The following ARHGAP26 variants were observed in gnomAD, a reference collection of about 807,000 sequenced individuals.
ARHGAP26 encodes the protein Rho GTPase activating protein 26.
Under a neutral mutation model 104.8 loss-of-function variants are expected in ARHGAP26, and 38 were observed. That is an observed-to-expected ratio of 0.36 (90% CI 0.28 to 0.48). The LOEUF (loss-of-function observed/expected upper bound fraction) is 0.48. Ranked by LOEUF, ARHGAP26 falls within the 20% of genes least tolerant of loss-of-function variation. The pLI, the probability that ARHGAP26 is intolerant of heterozygous loss-of-function variation, is 0.99. For missense variants in ARHGAP26, 704 were observed against 947.9 expected (o/e 0.74, Z 3.38); for synonymous variants, 341 against 340.0 (o/e 1.00, Z -0.03).
intron 20 of ARHGAP26, among the ~76,000 whole-genome samples, chr5:143,197,563 G>A (rs1350539870): frequency 6.6e-6 from 1 of 152,088 alleles, no homozygotes; most frequent in Non-Finnish European, 1.5e-5. Flanking sequence ...CCACTTGGTT[G>A]TGTTTTACTC....
chr5:143,148,709 A>C (rs1599237964), intron 20 of ARHGAP26, among the ~76,000 whole-genome samples: 1 of 152,128 alleles, frequency 6.6e-6, no homozygotes, highest in African/African-American at 2.4e-5. Context: ...TTGCCTAGGG[A>C]GCCTCCCTGC....
At chr5:143,015,685 A>G (rs887707111) in intron 12 of ARHGAP26, among the ~76,000 whole-genome samples, 7 of 152,206 alleles carry the variant, frequency 4.6e-5, no homozygotes, top group Non-Finnish European at 8.8e-5. Flanking sequence ...CCTGCCTGGG[A>G]CACATTGCCT....
rs1052120748 is a variant in ARHGAP26, at chr5:143,223,261, T to C, written c.*815T>C. The C allele has an allele frequency of 4.3e-5, 10 of 232,892 alleles. No individual in the cohort carries two copies. Among genetic ancestry groups the C allele is most frequent in the African/African-American group, 2.2e-4 (10 of 45,302 alleles). The allele number at this position is 232,892 out of a possible 1,614,324, so 14.4% of individuals were successfully genotyped here. A position where few individuals can be genotyped will look rare whatever the true frequency, so the allele number is the denominator to read the frequency against. ...CCCTTTTTGGTACACTTTTTTTGAA[T>C]GGTTTTCTAACAACTTGAAGCACAG... On this transcript the variant is annotated 3_prime_UTR_variant, in exon 23 of 23. Coordinates refer to ENST00000645722, the MANE Select transcript of ARHGAP26 (RefSeq NM_001135608.3).
At chr5:143,088,061 T>TAAAGG (rs1790857571) in intron 17 of ARHGAP26, among the ~76,000 whole-genome samples, 2 of 152,202 alleles carry the variant, frequency 1.3e-5, no homozygotes. Flanking sequence ...GATGTGGCAC[T>TAAAGG]TCTAAAAGGT....
intron 11 of ARHGAP26, among the ~76,000 whole-genome samples, chr5:142,936,426 A>G (rs1424281046): frequency 6.6e-6 from 1 of 152,332 alleles, no homozygotes; most frequent in East Asian, 1.9e-4. Context: ...GGAAAAATCA[A>G]CATAGTAAAG....
chr5:143,142,013 G>A (rs1798594717), intron 19 of ARHGAP26, among the ~76,000 whole-genome samples: 1 of 152,108 alleles, frequency 6.6e-6, no homozygotes, highest in Non-Finnish European at 1.5e-5. Flanking sequence ...GTGCTGCAGG[G>A]AGTCAGTCTG....
chr5:143,168,826 G>C (rs1335375663), intron 20 of ARHGAP26: 1 of 152,190 alleles, frequency 6.6e-6, no homozygotes, highest in African/African-American at 2.4e-5. Context: ...TAGTGATCAC[G>C]TAGACTTACA....
intron 17 of ARHGAP26, among the ~76,000 whole-genome samples, chr5:143,113,830 G>A (rs1310454410): frequency 6.6e-6 from 1 of 152,070 alleles, no homozygotes; most frequent in South Asian, 2.1e-4. Context: ...TTTCCCCTAC[G>A]GTGACTTCAT....
At chr5:142,940,301 G>A (rs149683236) in intron 11 of ARHGAP26, among the ~76,000 whole-genome samples, 2 of 152,262 alleles carry the variant, frequency 1.3e-5, no homozygotes, top group African/African-American at 4.8e-5. Context: ...TCCTTTCTGA[G>A]CTTTCTTTTT....
chr5:143,072,038 T>C (rs1217704815), intron 17 of ARHGAP26, among the ~76,000 whole-genome samples: 1 of 151,850 alleles, frequency 6.6e-6, no homozygotes, highest in Non-Finnish European at 1.5e-5. Context: ...ACTTATCTGA[T>C]CTATTATATA....
chr5:143,050,328 C>A (rs1784826343), intron 14 of ARHGAP26, among the ~76,000 whole-genome samples: 1 of 151,938 alleles, frequency 6.6e-6, no homozygotes. Flanking sequence ...CGTCCTGTAA[C>A]CTTTTTTGTT....
intron 14 of ARHGAP26, among the ~76,000 whole-genome samples, chr5:143,048,712 G>A (rs903897661): frequency 2.0e-5 from 3 of 151,444 alleles, no homozygotes; most frequent in African/African-American, 7.3e-5. Flanking sequence ...TCAGGAGTTC[G>A]AGACCAGCTT....
chr5:143,114,279 G>A (rs779620699), intron 17 of ARHGAP26, among the ~76,000 whole-genome samples: 7 of 152,150 alleles, frequency 4.6e-5, no homozygotes, highest in Non-Finnish European at 8.8e-5. Flanking sequence ...AGTCCTGCAA[G>A]CTGTGTTCAT....
rs145234539 is a variant in ARHGAP26, at chr5:143,172,349, G to A, written c.1988+24968G>A. Among the ~76,000 whole-genome samples, 50 of 151,876 alleles carry A rather than the reference G, an allele frequency of 3.3e-4. 1 individual carries two copies. The East Asian group carries it at 6.6e-3, about 20-fold the overall frequency. Reference sequence around the variant, plus strand: ...TGAGTAAAATGAGAATAAAAAATAAGATTAACAAAGGCTGAGAGAGGAAGA... The same window carrying A: ...TGAGTAAAATGAGAATAAAAAATAAAATTAACAAAGGCTGAGAGAGGAAGA... On this transcript the variant is annotated intron_variant, in intron 20 of 22. Transcript: ENST00000645722.
At chr5:143,153,165 G>T (rs540670933) in intron 20 of ARHGAP26, among the ~76,000 whole-genome samples, 1 of 152,250 alleles carries the variant, frequency 6.6e-6, no homozygotes, top group African/African-American at 2.4e-5. Flanking sequence ...AAAACAACTT[G>T]TAACTGAGAT....
chr5:142,955,124 A>ACACACACACACACC (rs1234070600), intron 11 of ARHGAP26, among the ~76,000 whole-genome samples: 1 of 149,034 alleles, frequency 6.7e-6, no homozygotes, highest in East Asian at 2.0e-4. Flanking sequence ...ACACACACAC[A>ACACACACACACACC]CCCCCCATCT....
intron 11 of ARHGAP26, among the ~76,000 whole-genome samples, chr5:142,984,217 C>A (rs1774348655): frequency 6.6e-6 from 1 of 152,156 alleles, no homozygotes; most frequent in African/African-American, 2.4e-5. Flanking sequence ...CAAAGGTTTG[C>A]CAGAAATCGC....
rs541581851 is a variant in ARHGAP26, at chr5:142,789,185, A to G, written c.154+18270A>G. Among the ~76,000 whole-genome samples, 149 of 152,342 alleles carry G rather than the reference A, an allele frequency of 9.8e-4. 1 individual carries two copies. Among genetic ancestry groups the G allele is most frequent in the South Asian group, 2.3e-3 (11 of 4,830 alleles). ...AGAGTTAAATGGGGTAGCACGTGCAAAGCAGCAGACACAAAAATGTAGCAG... is the reference window on the plus strand; with the variant it reads ...AGAGTTAAATGGGGTAGCACGTGCAGAGCAGCAGACACAAAAATGTAGCAG... On this transcript the variant is annotated intron_variant, in intron 1 of 22. Transcript: ENST00000645722.
chr5:142,802,694 T>TA (rs921133227), intron 1 of ARHGAP26, among the ~76,000 whole-genome samples: 1 of 152,112 alleles, frequency 6.6e-6, no homozygotes, highest in African/African-American at 2.4e-5. Context: ...TTTTTTTTTT[T>TA]AACAGCTGTA....
Sources: allele counts gnomAD v4.1 joint callset (sites outside exome capture counted in the v4.1 genomes callset), GRCh38; gene constraint gnomAD v4.1.1; transcripts MANE v1.5; gene names NCBI Gene and HGNC (gene_info 2026-07-23, HGNC 2026-07-21).